CLNK: variants seen among roughly 807,000 people sequenced by gnomAD.
The protein encoded by CLNK is cytokine-dependent hematopoietic cell linker.
Under a neutral mutation model 68.6 loss-of-function variants are expected in CLNK, and 74 were observed. The ratio of observed to expected loss-of-function variants is 1.08; its 90% confidence interval spans 0.89 to 1.31. The LOEUF (loss-of-function observed/expected upper bound fraction) is 1.31. Among genes scored for constraint, CLNK ranks in the 50% most tolerant of loss-of-function variants. CLNK has a pLI of 0.00. For missense variants in CLNK, 553 were observed against 515.3 expected (o/e 1.07, Z -0.71); for synonymous variants, 198 against 172.2 (o/e 1.15, Z -1.17).
In CLNK at chr4:10,626,817, G is replaced by A. The variant is rs116204746; in HGVS notation, c.12-28768C>T. On this transcript the variant is annotated intron_variant, in intron 2 of 18. Transcript: ENST00000226951. The stretch of plus-strand genomic sequence containing the variant: ...GGACATGTGTTTTAATGTCTGACAT[G>A]GAGTGTCATGCCACGTGCTTTATGC... Among the ~76,000 whole-genome samples the A allele has an allele frequency of 5.7e-3, 868 of 152,256 alleles. 7 individuals are homozygous for A. The highest frequency in any genetic ancestry group is 0.01 in the Middle Eastern group (3 of 294).
intron 8 of CLNK, among the ~76,000 whole-genome samples, chr4:10,551,717 T>G (rs1413282649): frequency 2.0e-5 from 3 of 152,180 alleles, no homozygotes; most frequent in Non-Finnish European, 4.4e-5. Flanking sequence ...ATTGAACAAC[T>G]AAATAGCCAG....
Position 10,637,637 on chromosome 4 carries a change from G to A in CLNK, c.11+30222C>T, listed in dbSNP as rs144980903. Among the ~76,000 whole-genome samples, 51 of 120,746 alleles carry A rather than the reference G, an allele frequency of 4.2e-4. No individual in the cohort carries two copies. The East Asian group carries it at 0.012, about 28-fold the overall frequency. 79.2% of individuals were successfully genotyped at this position (120,746 alleles called of 152,430 possible). On this transcript the variant is annotated intron_variant, in intron 2 of 18. Transcript: ENST00000226951. The stretch of plus-strand genomic sequence containing the variant: ...TGAGACGGAGTCTCACTCTCTTGCC[G>A]AGGCTGGAGTGTAGTGGTGTGATTT...
rs113487797 is a variant in CLNK, at chr4:10,659,630, TA to T, written c.11+8228del. ...TCAGAAAAAATCCTCCCCACCCCCA[TA>T]AAAAATACAGAGAAGAATGGAAGTC... On this transcript the variant is annotated intron_variant, in intron 2 of 18. Transcript: ENST00000226951. 5.2e-3 allele frequency among the ~76,000 whole-genome samples: 786 copies of T among 152,084 alleles called. 4 individuals carry two copies. Among genetic ancestry groups the T allele is most frequent in the African/African-American group, 0.017 (725 of 41,518 alleles).
chr4:10,660,848 C>T (rs551590128), intron 2 of CLNK, among the ~76,000 whole-genome samples: 12 of 152,362 alleles, frequency 7.9e-5, no homozygotes, highest in African/African-American at 2.6e-4. Context: ...CTCTGGCAAA[C>T]TCTATCTCTG....
intron 5 of CLNK, among the ~76,000 whole-genome samples, chr4:10,568,501 T>C (rs553165044): frequency 6.6e-6 from 1 of 152,182 alleles, no homozygotes; most frequent in Non-Finnish European, 1.5e-5. Context: ...GTAAATTGAA[T>C]GGCAGGTAGA....
chr4:10,691,276 G>T, the CLNK span, among the ~76,000 whole-genome samples: 1 of 151,994 alleles, frequency 6.6e-6, no homozygotes, highest in African/African-American at 2.4e-5. Context: ...AACTCCTTGA[G>T]GGTGGCCACA....
At chr4:10,691,203 A>G in the CLNK span, among the ~76,000 whole-genome samples, 1 of 152,154 alleles carries the variant, frequency 6.6e-6, no homozygotes, top group Non-Finnish European at 1.5e-5. Context: ...ATAAGTTTTA[A>G]TATGTATTGG....
In CLNK at chr4:10,555,386, C is replaced by T. The variant is rs80029995; in HGVS notation, c.445+3021G>A. The stretch of plus-strand genomic sequence containing the variant: ...CTTTGGTTTCTCTAGAAAAATAAAC[C>T]ACGCTGTATTTGAAAATTATAGCTA... On this transcript the variant is annotated intron_variant, in intron 8 of 18. Transcript: ENST00000226951. 6.6e-3 allele frequency among the ~76,000 whole-genome samples: 1,005 copies of T among 152,196 alleles called. 11 individuals carry two copies. Among genetic ancestry groups the T allele is most frequent in the African/African-American group, 0.023 (968 of 41,534 alleles).
chr4:10,569,477 C>T (rs1046892726), intron 5 of CLNK, among the ~76,000 whole-genome samples: 3 of 152,174 alleles, frequency 2.0e-5, no homozygotes, highest in Admixed American at 6.5e-5. Context: ...ACCCTACTGG[C>T]ACTTTGGTCT....
intron 5 of CLNK, among the ~76,000 whole-genome samples, chr4:10,568,861 T>A (rs1169154723): frequency 2.0e-5 from 3 of 152,218 alleles, no homozygotes; most frequent in African/African-American, 7.2e-5. Flanking sequence ...CACTGTGCGA[T>A]AATAAATGGT....
In CLNK at chr4:10,515,054, A is replaced by G. The variant is rs537539014; in HGVS notation, c.773-1457T>C. 1.2e-4 allele frequency among the ~76,000 whole-genome samples: 19 copies of G among 152,358 alleles called. 1 individual carries two copies. The South Asian group carries it at 3.5e-3, about 28-fold the overall frequency. ...GGAGTTTGAGACCAGCCTGGCTTAC[A>G]TGGTGAAACCCCGTCTCTACTAAAA... is the stretch of plus-strand genomic sequence containing the variant. On this transcript the variant is annotated intron_variant, in intron 15 of 18. Coordinates refer to ENST00000226951, the MANE Select transcript of CLNK (RefSeq NM_052964.4).
intron 2 of CLNK, among the ~76,000 whole-genome samples, chr4:10,652,071 G>C (rs1211843636): frequency 6.6e-6 from 1 of 151,922 alleles, no homozygotes; most frequent in Non-Finnish European, 1.5e-5. Context: ...TGTAAATGGA[G>C]AAAATTATCT....
intron 2 of CLNK, among the ~76,000 whole-genome samples, chr4:10,608,357 C>G (rs562011676): frequency 2.4e-4 from 37 of 152,346 alleles, no homozygotes; most frequent in Non-Finnish European, 4.3e-4. Flanking sequence ...TCTTCTCCTC[C>G]TCTTCTCCCA....
chr4:10,677,288 CTG>C (rs1002345789), intron 1 of CLNK, among the ~76,000 whole-genome samples: 28 of 152,110 alleles, frequency 1.8e-4, no homozygotes, highest in African/African-American at 6.8e-4. Flanking sequence ...GGCAAAAACA[CTG>C]TAATTTTTTT....
intron 4 of CLNK, among the ~76,000 whole-genome samples, chr4:10,579,098 T>A (rs1720687207): frequency 6.6e-6 from 1 of 152,224 alleles, no homozygotes; most frequent in South Asian, 2.1e-4. Context: ...TATACTGTGC[T>A]GCTTTTCACA....
Position 10,501,360 on chromosome 4 carries a change from A to C in CLNK, c.1036T>G (p.Tyr346Asp). 3 of 1,610,072 alleles carry C rather than the reference A, an allele frequency of 1.9e-6. No homozygotes were observed. The highest frequency in any genetic ancestry group is 2.5e-6 in the Non-Finnish European group (3 of 1,178,900). ...DCSTKSKEEP[Y>D]VLAVFYENKV... ...TTCTCATAAAACACAGCCAAAACATAGGGCTCTTCCTTGGATTTTGTGGAA... is the reference window on the plus strand; with the variant it reads ...TTCTCATAAAACACAGCCAAAACATCGGGCTCTTCCTTGGATTTTGTGGAA... Residue 346 changes from tyrosine (Y) to aspartate (D), a missense_variant, in exon 18 of 19, where the codon TAT (tyrosine) becomes GAT (aspartate). By Grantham distance (160) the Tyr-to-Asp change is radical. Coordinates refer to ENST00000226951, the MANE Select transcript of CLNK (RefSeq NM_052964.4).
At chr4:10,527,781 A>T (rs757979031) in intron 13 of CLNK, among the ~76,000 whole-genome samples, 1 of 152,156 alleles carries the variant, frequency 6.6e-6, no homozygotes, top group Non-Finnish European at 1.5e-5. Flanking sequence ...GGGACTAGTT[A>T]TGTCTTTCCA....
At chr4:10,542,682 G>GTATA (rs1195351938) in intron 8 of CLNK, among the ~76,000 whole-genome samples, 15 of 137,882 alleles carry the variant, frequency 1.1e-4, no homozygotes, top group Admixed American at 7.4e-5. Flanking sequence ...GTGTGTGTGT[G>GTATA]TATATATATA....
At chr4:10,670,711 T>TA (rs34661694) in intron 1 of CLNK, among the ~76,000 whole-genome samples, 1,908 of 151,572 alleles carry the variant, frequency 0.013, 35 homozygotes, top group African/African-American at 0.042. Context: ...ATAGTTTCAT[T>TA]AAAAAAAAAT....
Sources: gnomAD v4.1 joint callset for allele counts (sites outside exome capture counted in the v4.1 genomes callset) on GRCh38, gnomAD v4.1.1 for gene constraint, MANE v1.5 for transcripts, NCBI Gene and HGNC (gene_info 2026-07-23, HGNC 2026-07-21) for gene names.